The following PPP6R3 variants were observed in gnomAD, a reference collection of about 807,000 sequenced individuals.
The protein encoded by PPP6R3 is protein phosphatase 6 regulatory subunit 3.
In PPP6R3, 38 loss-of-function variants were observed where a neutral mutation model predicts 110.7. That is an observed-to-expected ratio of 0.34 (90% CI 0.26 to 0.45). PPP6R3 has a LOEUF of 0.45. Among genes scored for constraint, PPP6R3 ranks in the 20% least tolerant of loss-of-function variants. The pLI is 1.00. For synonymous variants in PPP6R3, 369 were observed against 373.5 expected (o/e 0.99, Z 0.14); for missense variants, 870 against 1,062.4 (o/e 0.82, Z 2.52).
chr11:68,590,897 C>T (rs934427240), intron 17 of PPP6R3, among the ~76,000 whole-genome samples, 183 bp downstream of exon 17: 4 of 152,108 alleles, frequency 2.6e-5, no homozygotes, highest in African/African-American at 9.7e-5. Context: ...TTTTGCAGCC[C>T]TGGTTTATGA....
In PPP6R3 at chr11:68,583,071, G is replaced by C. The variant is rs909261361; in HGVS notation, c.1574G>C (p.Ser525Thr). ...ACAACCTGCCATATTCATTCATCCA[G>C]TGATGATGAAATTGACTTTAAAGAA... ...LVTTCHIHSS[S>T]DDEIDFKETG... The change falls in exon 15 of 24, where the codon AGT becomes ACT. Residue 525 changes from serine to threonine, a missense_variant. By Grantham distance (58) the Ser-to-Thr change is moderately conservative. Transcript: ENST00000393800. 16 of 1,544,338 alleles carry C rather than the reference G, an allele frequency of 1.0e-5. No individual in the cohort carries two copies. Among genetic ancestry groups the C allele is most frequent in the Non-Finnish European group, 1.4e-5 (16 of 1,141,794 alleles).
Position 68,558,605 on chromosome 11 carries a change from C to G in PPP6R3, c.771C>G (p.His257Gln). 1 of 1,612,884 alleles carries G rather than the reference C, an allele frequency of 6.2e-7. No individual in the cohort carries two copies. The highest frequency in any genetic ancestry group is 1.3e-5 in the African/African-American group (1 of 74,968). ...AGCAGCTTCTATCAAATATTTTCCACAAGGAGAAAAATGAGTCAGCCATAG... is the reference window on the plus strand; with the variant it reads ...AGCAGCTTCTATCAAATATTTTCCAGAAGGAGAAAAATGAGTCAGCCATAG... Reference protein sequence around the residue: ...IIEQLLSNIFHKEKNESAIVS... With the variant: ...IIEQLLSNIFQKEKNESAIVS... The change falls in exon 8 of 24, where the codon CAC (histidine) becomes CAG (glutamine). Residue 257 changes from histidine to glutamine, a missense_variant. Coordinates refer to ENST00000393800, the MANE Select transcript of PPP6R3 (RefSeq NM_001164161.2).
chr11:68,467,200 G>A (rs561494401), intron 1 of PPP6R3, among the ~76,000 whole-genome samples: 6 of 152,222 alleles, frequency 3.9e-5, no homozygotes, highest in African/African-American at 9.6e-5. Flanking sequence ...ATTAAAGTTC[G>A]ATAGGTTCTG....
intron 1 of PPP6R3, among the ~76,000 whole-genome samples, chr11:68,478,197 C>A (rs1165981917): frequency 6.6e-6 from 1 of 151,848 alleles, no homozygotes; most frequent in African/African-American, 2.4e-5. Flanking sequence ...ATACACCTGC[C>A]TCAGCCTTCC....
intron 14 of PPP6R3, 25 bp from the exon 15 acceptor site, chr11:68,583,006 CTATGTTAAATAG>C (rs2099567760): frequency 7.4e-7 from 1 of 1,356,618 alleles, no homozygotes; most frequent in Non-Finnish European, 1.0e-6. Flanking sequence ...CAAAACTTTT[CTATGTTAAATAG>C]TCTTTTACAT....
chr11:68,608,353 TAAC>T (rs1428483985), intron 22 of PPP6R3, among the ~76,000 whole-genome samples: 1 of 152,142 alleles, frequency 6.6e-6, no homozygotes, highest in South Asian at 2.1e-4. Flanking sequence ...TTATAAACGA[TAAC>T]AATATAGGAC....
At chr11:68,570,262 C>G (rs1316770393) in intron 11 of PPP6R3, among the ~76,000 whole-genome samples, 1 of 152,208 alleles carries the variant, frequency 6.6e-6, no homozygotes. Context: ...TTGCTGAATA[C>G]GTGACTGAAA....
chr11:68,591,084 C>T (rs1331658727), intron 17 of PPP6R3, among the ~76,000 whole-genome samples: 2 of 152,078 alleles, frequency 1.3e-5, no homozygotes, highest in Non-Finnish European at 1.5e-5. Context: ...TGTGGAAACA[C>T]CGAGACAGTC....
intron 2 of PPP6R3, 29 bp downstream of exon 2, chr11:68,519,680 C>T (rs2099153921): frequency 2.5e-6 from 1 of 398,260 alleles, no homozygotes; most frequent in Non-Finnish European, 4.4e-6. Context: ...GCAGGAGTTT[C>T]CTTCCATTAA....
chr11:68,561,067 T>A (rs1372788619), intron 8 of PPP6R3, among the ~76,000 whole-genome samples: 4 of 151,954 alleles, frequency 2.6e-5, no homozygotes, highest in Non-Finnish European at 5.9e-5. Context: ...CAGCTAACTT[T>A]TTTTGTATTT....
intron 1 of PPP6R3, among the ~76,000 whole-genome samples, chr11:68,490,524 G>A (rs923118759): frequency 4.6e-5 from 7 of 151,848 alleles, no homozygotes; most frequent in East Asian, 3.9e-4. Context: ...AAAAATCTCC[G>A]TCGTTATTAC....
intron 1 of PPP6R3, among the ~76,000 whole-genome samples, chr11:68,468,888 G>A (rs551851134): frequency 1.5e-3 from 224 of 152,326 alleles, no homozygotes; most frequent in African/African-American, 5.1e-3. Flanking sequence ...CACACAGGAC[G>A]TTGTAGGGTA....
intron 8 of PPP6R3, among the ~76,000 whole-genome samples, chr11:68,562,933 T>C (rs1178967623): frequency 6.6e-6 from 1 of 152,134 alleles, no homozygotes; most frequent in East Asian, 1.9e-4. Flanking sequence ...TCCGAGACTC[T>C]GTTAAGAAAA....
chr11:68,507,417 T>G (rs2099084694), intron 1 of PPP6R3, among the ~76,000 whole-genome samples: 2 of 152,154 alleles, frequency 1.3e-5, no homozygotes. Flanking sequence ...GGGAATTAGG[T>G]TATTTATCAA....
intron 1 of PPP6R3, among the ~76,000 whole-genome samples, chr11:68,498,037 A>G (rs924924338): frequency 2.0e-5 from 3 of 152,150 alleles, no homozygotes; most frequent in African/African-American, 4.8e-5. Context: ...CTTCCTCTAT[A>G]TTTAGACATT....
At chr11:68,572,047 T>C (rs535009743) in intron 12 of PPP6R3, among the ~76,000 whole-genome samples, 20 of 152,132 alleles carry the variant, frequency 1.3e-4, no homozygotes, top group Admixed American at 2.6e-4. Flanking sequence ...TAAGCACTGC[T>C]ACTAGGGTTT....
intron 8 of PPP6R3, among the ~76,000 whole-genome samples, chr11:68,559,713 C>T (rs529458695): frequency 1.3e-5 from 2 of 152,274 alleles, no homozygotes; most frequent in South Asian, 4.1e-4. Flanking sequence ...GCCTACCTGT[C>T]TCTTTCTAGG....
chr11:68,598,270 C>T (rs956775249), intron 19 of PPP6R3, among the ~76,000 whole-genome samples: 23 of 152,236 alleles, frequency 1.5e-4, no homozygotes, highest in Admixed American at 7.8e-4. Flanking sequence ...TCCTTTTGTT[C>T]GAAGGCCGAA....
chr11:68,596,194 A>G lies in PPP6R3; in HGVS notation c.2014A>G (p.Lys672Glu). 1 of 1,614,260 alleles carries G rather than the reference A, an allele frequency of 6.2e-7. No individual in the cohort carries two copies. The highest frequency in any genetic ancestry group is 8.5e-7 in the Non-Finnish European group (1 of 1,180,042). ...FEPSSANTED[K>E]MEVDLSEPPN... ...ACCCAGCAGTGCCAACACGGAGGATAAAATGGAGGTGGACCTGAGTGAACG... is the reference window on the plus strand; with the variant it reads ...ACCCAGCAGTGCCAACACGGAGGATGAAATGGAGGTGGACCTGAGTGAACG... The change falls in exon 19 of 24, where the codon AAA (lysine) becomes GAA (glutamate). Residue 672 changes from lysine to glutamate, a missense_variant. Lys to Glu is a moderately conservative substitution (Grantham distance 56). Transcript: ENST00000393800.
Sources: allele counts gnomAD v4.1 joint callset (sites outside exome capture counted in the v4.1 genomes callset), GRCh38; gene constraint gnomAD v4.1.1; transcripts MANE v1.5; gene names NCBI Gene and HGNC (gene_info 2026-07-23, HGNC 2026-07-21).